Variants in CDC42BPB observed in about 807,000 individuals in gnomAD.
CDC42BPB encodes the protein serine/threonine-protein kinase MRCK beta.
Under a neutral mutation model 214.9 loss-of-function variants are expected in CDC42BPB, and 37 were observed. That is an observed-to-expected ratio of 0.17 (90% CI 0.13 to 0.23). CDC42BPB has a LOEUF of 0.23. Ranked by LOEUF, CDC42BPB falls within the 10% of genes least tolerant of loss-of-function variation. CDC42BPB has a pLI of 1.00. For synonymous variants in CDC42BPB, 931 were observed against 884.0 expected (o/e 1.05, Z -0.94); for missense variants, 1,694 against 2,227.0 (o/e 0.76, Z 4.82).
chr14:102,965,821 C>A (rs575336093), intron 18 of CDC42BPB, among the ~76,000 whole-genome samples: 2 of 152,014 alleles, frequency 1.3e-5, no homozygotes, highest in Admixed American at 1.3e-4. Flanking sequence ...CCAGGTGTAG[C>A]GGCACACGCC....
rs187534542 is a variant in CDC42BPB at position 103,014,340 on chromosome 14, C to A, written c.176-2152G>T. On this transcript the variant is annotated intron_variant, in intron 1 of 36. Coordinates refer to ENST00000361246, the MANE Select transcript of CDC42BPB (RefSeq NM_006035.4). ...CGTGCAGTCAATTGTCTCTCTTGCACCTGTCTCTATTTTCACCTTCAAGCC... is the reference window on the plus strand; with the variant it reads ...CGTGCAGTCAATTGTCTCTCTTGCAACTGTCTCTATTTTCACCTTCAAGCC... 2.0e-3 allele frequency among the ~76,000 whole-genome samples: 301 copies of A among 152,272 alleles called. 1 individual carries two copies. Among genetic ancestry groups the A allele is most frequent in the Non-Finnish European group, 3.7e-3 (249 of 68,002 alleles).
At chr14:102,962,120 C>T (rs1169380253) in intron 20 of CDC42BPB, among the ~76,000 whole-genome samples, 2 of 152,214 alleles carry the variant, frequency 1.3e-5, no homozygotes, top group African/African-American at 4.8e-5. Context: ...TGCTATTTCT[C>T]ACCTATTCAG....
chr14:102,957,391 TA>T lies in CDC42BPB; in HGVS notation c.2901+2239del, dbSNP rs113495975. ...CTTGCTACCGGGCCCTCTACTCTGT[TA>T]ATGTTACAGAAAGCTACCGCTTTCC... is the stretch of plus-strand genomic sequence containing the variant. On this transcript the variant is annotated intron_variant, in intron 21 of 36. Transcript: ENST00000361246. Among the ~76,000 whole-genome samples, 1,415 of 152,236 alleles carry T rather than the reference TA, an allele frequency of 9.3e-3. 29 individuals are homozygous for T. The highest frequency in any genetic ancestry group is 0.032 in the African/African-American group (1,317 of 41,520).
intron 1 of CDC42BPB, among the ~76,000 whole-genome samples, chr14:103,048,118 C>T (rs531926545): frequency 5.9e-5 from 9 of 152,128 alleles, no homozygotes; most frequent in African/African-American, 1.4e-4. Context: ...GCAGGACACC[C>T]GGCCCAGGCT....
intron 1 of CDC42BPB, among the ~76,000 whole-genome samples, chr14:103,044,365 CCTTT>C (rs1888173826): frequency 6.8e-6 from 1 of 146,614 alleles, no homozygotes; most frequent in African/African-American, 2.6e-5. Flanking sequence ...ACAGCCGGCA[CCTTT>C]TTTTTTTTTT....
intron 21 of CDC42BPB, among the ~76,000 whole-genome samples, chr14:102,957,024 C>CAAAAA (rs1183767118): frequency 2.1e-5 from 1 of 48,190 alleles, no homozygotes; most frequent in African/African-American, 7.3e-5. Flanking sequence ...ACTAAAAATA[C>CAAAAA]AAAAAAAAAA....
intron 7 of CDC42BPB, among the ~76,000 whole-genome samples, chr14:102,983,348 C>T (rs1242539610): frequency 6.6e-6 from 1 of 152,096 alleles, no homozygotes; most frequent in East Asian, 1.9e-4. Flanking sequence ...CTTCCTCTGG[C>T]GCCCACATCT....
chr14:103,045,455 A>G (rs1476696012), intron 1 of CDC42BPB, among the ~76,000 whole-genome samples: 1 of 151,974 alleles, frequency 6.6e-6, no homozygotes, highest in Admixed American at 6.6e-5. Flanking sequence ...GGACCCCTGC[A>G]CCCTCCCAGC....
chr14:102,954,354 C>T lies in CDC42BPB; in HGVS notation c.2989-79G>A, dbSNP rs564092560. 2.8e-5 allele frequency: 41 copies of T among 1,449,314 alleles called. No homozygotes were observed. The African/African-American group carries it at 4.6e-4, about 16-fold the overall frequency. The allele number at this position is 1,449,314 out of a possible 1,614,324, so 89.8% of individuals were successfully genotyped here. A position where few individuals can be genotyped will look rare whatever the true frequency, so the allele number is the denominator to read the frequency against. The stretch of plus-strand genomic sequence containing the variant: ...ACCTGGCCCTACGGGGTGCACTTCT[C>T]TCAAGAATGTGTTAACAGTGAACAG... On this transcript the variant is annotated intron_variant, in intron 22 of 36. Coordinates refer to ENST00000361246, the MANE Select transcript of CDC42BPB (RefSeq NM_006035.4).
chr14:102,937,783 C>T (rs1891706928), intron 36 of CDC42BPB, among the ~76,000 whole-genome samples: 1 of 152,242 alleles, frequency 6.6e-6, no homozygotes, highest in African/African-American at 2.4e-5. Flanking sequence ...TGATGTATCA[C>T]ATTGAAGTAC....
In CDC42BPB at chr14:102,947,799, A is replaced by G; in HGVS notation, c.3453T>C (p.Asp1151=). ...GGACTGAGCTCACGGAAAACTCGTCATCTCTGGTAAGGAAGAAACATTGAC... is the reference window on the plus strand; with the variant it reads ...GGACTGAGCTCACGGAAAACTCGTCGTCTCTGGTAAGGAAGAAACATTGAC... ...VIASQVLDLR[D]DEFSVSSVLA... The change falls in exon 27 of 37, where the codon GAT becomes GAC. Residue 1151 remains aspartate (D), a synonymous_variant. Coordinates refer to ENST00000361246, the MANE Select transcript of CDC42BPB (RefSeq NM_006035.4). 3 of 1,612,616 alleles carry G rather than the reference A, an allele frequency of 1.9e-6. No individual in the cohort carries two copies. Among genetic ancestry groups the G allele is most frequent in the Non-Finnish European group, 2.5e-6 (3 of 1,179,874 alleles).
chr14:103,038,287 G>A (rs954472735), intron 1 of CDC42BPB, among the ~76,000 whole-genome samples: 19 of 149,530 alleles, frequency 1.3e-4, no homozygotes, highest in Admixed American at 2.0e-4. Context: ...GCAGTGAGCC[G>A]AGATCACACC....
chr14:102,939,842 A>C lies in CDC42BPB; in HGVS notation c.4697T>G (p.Leu1566Arg). Residue 1566 changes from leucine to arginine, a missense_variant, in exon 33 of 37, where the codon CTG becomes CGG. Leu to Arg is a moderately radical substitution (Grantham distance 102). Around this residue, in one of 7 missense-constraint regions of CDC42BPB, gnomAD observed 567 missense variants for 790.3 expected, o/e 0.72. Transcript: ENST00000361246. The stretch of plus-strand genomic sequence containing the variant: ...GCCCCGCTCCTACCGCCTCTGCTGC[A>C]GTCTCTCTTCCTCTGGGACCTTGAA... ...FVFKVPEEER[L>R]QQRREMLRDP... 6.2e-7 allele frequency: 1 copy of C among 1,614,050 alleles called. No homozygotes were observed. Among genetic ancestry groups the C allele is most frequent in the Non-Finnish European group, 8.5e-7 (1 of 1,180,034 alleles).
intron 1 of CDC42BPB, among the ~76,000 whole-genome samples, chr14:103,021,853 C>T (rs1886793823): frequency 4.6e-5 from 7 of 152,142 alleles, no homozygotes; most frequent in Admixed American, 4.6e-4. Flanking sequence ...CGGTGAGATC[C>T]TGGCTGTTCC....
At chr14:102,995,377 G>C (rs1280486014) in intron 5 of CDC42BPB, among the ~76,000 whole-genome samples, 1 of 152,172 alleles carries the variant, frequency 6.6e-6, no homozygotes, top group Admixed American at 6.5e-5. Flanking sequence ...GTTTTACCAT[G>C]TTGGCCAGGC....
intron 1 of CDC42BPB, among the ~76,000 whole-genome samples, chr14:103,047,277 C>CTG (rs200834780): frequency 0.078 from 8,992 of 114,770 alleles, 815 homozygotes; most frequent in African/African-American, 0.22. Flanking sequence ...GAGTAATACT[C>CTG]TCAAAAAAAA....
chr14:103,056,345 CA>C (rs1888948740), intron 1 of CDC42BPB, among the ~76,000 whole-genome samples: 1 of 152,096 alleles, frequency 6.6e-6, no homozygotes. Context: ...GGTGTTACAG[CA>C]AAGTAGGTAT....
At position 102,942,476 on chromosome 14, in the gene CDC42BPB, C is replaced by T. The variant is rs79660967; in HGVS notation, c.4408+1415G>A. ...TATGCGCGGCTCGTCTTCCTCCCGG[C>T]CTCCTCTTGATCTGTGGATTTGATG... On this transcript the variant is annotated intron_variant, in intron 30 of 36. Transcript: ENST00000361246. Among the ~76,000 whole-genome samples the T allele has an allele frequency of 9.9e-3, 1,512 of 152,336 alleles. 19 individuals are homozygous for T. Among genetic ancestry groups the T allele is most frequent in the Middle Eastern group, 0.034 (10 of 294 alleles).
chr14:102,980,676 C>T, intron 8 of CDC42BPB, 97 bp downstream of exon 8: 4 of 1,218,404 alleles, frequency 3.3e-6, no homozygotes, highest in South Asian at 2.7e-5. Flanking sequence ...AATTTCACAG[C>T]TTTATGGTGT....
Sources: allele counts gnomAD v4.1 joint callset (sites outside exome capture counted in the v4.1 genomes callset), GRCh38; gene constraint gnomAD v4.1.1; regional missense constraint gnomAD v4.1.1; transcripts MANE v1.5; gene names NCBI Gene and HGNC (gene_info 2026-07-23, HGNC 2026-07-21).